The following EBF1 variants were observed in gnomAD, a reference collection of about 807,000 sequenced individuals.
EBF1 encodes the protein EBF transcription factor 1, also known as transcription factor COE1.
Under a neutral mutation model 68.4 loss-of-function variants are expected in EBF1, and 10 were observed. That is an observed-to-expected ratio of 0.15 (90% confidence interval 0.09 to 0.25). The LOEUF is 0.25. Among genes scored for constraint, EBF1 ranks in the 10% least tolerant of loss-of-function variants. The pLI is 1.00. For synonymous variants in EBF1, 298 were observed against 299.8 expected (o/e 0.99, Z 0.06); for missense variants, 509 against 794.4 (o/e 0.64, Z 4.32).
At position 158,728,244 on chromosome 5, in the gene EBF1, G is replaced by A. The variant is rs148365586; in HGVS notation, c.1125+2825C>T. Among the ~76,000 whole-genome samples, 1,015 of 152,276 alleles carry A rather than the reference G, an allele frequency of 6.7e-3. 16 individuals carry two copies. The highest frequency in any genetic ancestry group is 0.023 in the African/African-American group (971 of 41,542). On this transcript the variant is annotated intron_variant, in intron 11 of 15. Coordinates refer to ENST00000313708, the MANE Select transcript of EBF1 (RefSeq NM_024007.5). ...TCTGAGTCACACTGAGAGCTTCCTG[G>A]GGTGGGCTCCGGCCAGCCCTTGCAC...
intron 9 of EBF1, among the ~76,000 whole-genome samples, chr5:158,788,694 G>A (rs1318115674): frequency 1.3e-5 from 2 of 152,148 alleles, no homozygotes; most frequent in Admixed American, 6.6e-5. Context: ...TCACATGACT[G>A]CAGCCAGGTG....
At chr5:158,844,987 C>T (rs1271326364) in intron 6 of EBF1, among the ~76,000 whole-genome samples, 1 of 152,142 alleles carries the variant, frequency 6.6e-6, no homozygotes, top group Admixed American at 6.5e-5. Context: ...GACCAAAAGG[C>T]ACTTCTGGAC....
chr5:158,918,343 C>T (rs1360870545), intron 6 of EBF1, among the ~76,000 whole-genome samples: 1 of 152,136 alleles, frequency 6.6e-6, no homozygotes, highest in African/African-American at 2.4e-5. Context: ...GAGGAGGGTT[C>T]TGTTAAAAGG....
At chr5:158,762,864 G>GA (rs1421820900) in intron 10 of EBF1, among the ~76,000 whole-genome samples, 2 of 152,078 alleles carry the variant, frequency 1.3e-5, no homozygotes, top group Non-Finnish European at 2.9e-5. Flanking sequence ...ATATGCCATG[G>GA]AAAAATTGAA....
chr5:158,814,270 G>T (rs1783264818), intron 8 of EBF1, among the ~76,000 whole-genome samples: 1 of 152,150 alleles, frequency 6.6e-6, no homozygotes, highest in African/African-American at 2.4e-5. Context: ...TTGAGTGCAG[G>T]AGTTTGAGGC....
intron 6 of EBF1, among the ~76,000 whole-genome samples, chr5:158,994,807 A>C (rs1394921781): frequency 6.6e-6 from 1 of 152,358 alleles, no homozygotes; most frequent in Admixed American, 6.5e-5. Flanking sequence ...CAGAAAATTC[A>C]TGGATGACTT....
chr5:158,987,688 G>A (rs969701778), intron 6 of EBF1, among the ~76,000 whole-genome samples: 1 of 152,152 alleles, frequency 6.6e-6, no homozygotes, highest in Non-Finnish European at 1.5e-5. Context: ...ATGTGTCCGT[G>A]GGTGCCTAGA....
intron 10 of EBF1, among the ~76,000 whole-genome samples, chr5:158,754,773 A>G (rs1362158650): frequency 6.6e-6 from 1 of 152,106 alleles, no homozygotes; most frequent in African/African-American, 2.4e-5. Flanking sequence ...CAAATATTTG[A>G]CTCATTGTAA....
intron 9 of EBF1, among the ~76,000 whole-genome samples, chr5:158,792,489 C>CT (rs1778834949): frequency 6.6e-6 from 1 of 151,652 alleles, no homozygotes; most frequent in African/African-American, 2.4e-5. Context: ...TTCTCTGGCT[C>CT]TTTAAAAAAT....
chr5:159,085,492 T>G (rs1180062129), intron 4 of EBF1, among the ~76,000 whole-genome samples: 3 of 152,190 alleles, frequency 2.0e-5, no homozygotes, highest in African/African-American at 7.2e-5. Context: ...AAAACGAACA[T>G]TTTACTCAAG....
Position 158,698,861 on chromosome 5 carries a change from T to C in EBF1, c.*250A>G. On this transcript the variant is annotated 3_prime_UTR_variant, in exon 16 of 16. Coordinates refer to ENST00000313708, the MANE Select transcript of EBF1 (RefSeq NM_024007.5). ...AAAAGAAAAAGTGGATTTGCTTTTG[T>C]CAATACAGAATAAATATATCCCCCA... 2.6e-6 allele frequency: 1 copy of C among 386,978 alleles called. No homozygotes were observed. The highest frequency in any genetic ancestry group is 3.7e-5 in the East Asian group (1 of 27,026). The allele number at this position is 386,978 out of a possible 1,614,324, so 24.0% of individuals were successfully genotyped here. A position where few individuals can be genotyped will look rare whatever the true frequency, so the allele number is the denominator to read the frequency against.
chr5:158,698,926 T>A lies in EBF1; in HGVS notation c.*185A>T, dbSNP rs1380314757. ...ACAACTTTAACCAACACCCTGCACTTGCAGATCCCTCTTCCAATTTCAGTA... is the reference window on the plus strand; with the variant it reads ...ACAACTTTAACCAACACCCTGCACTAGCAGATCCCTCTTCCAATTTCAGTA... On this transcript the variant is annotated 3_prime_UTR_variant, in exon 16 of 16. Transcript: ENST00000313708. The A allele has an allele frequency of 2.1e-6, 1 of 481,464 alleles. No homozygotes were observed. Among genetic ancestry groups the A allele is most frequent in the Admixed American group, 4.0e-5 (1 of 24,970 alleles). 29.8% of individuals were successfully genotyped at this position (481,464 alleles called of 1,614,324 possible).
rs113229534 is a variant in EBF1, at chr5:159,008,379, C to T, written c.554+65017G>A. On this transcript the variant is annotated intron_variant, in intron 6 of 15. Transcript: ENST00000313708. The stretch of plus-strand genomic sequence containing the variant: ...TTTTTAAAAATCACACACACACACA[C>T]TTTAGTTAACAAACAGATGAGGAGA... 4.4e-3 allele frequency among the ~76,000 whole-genome samples: 671 copies of T among 152,090 alleles called. 6 individuals carry two copies. The highest frequency in any genetic ancestry group is 0.015 in the African/African-American group (639 of 41,484).
chr5:158,886,299 G>T (rs1800029910), intron 6 of EBF1, among the ~76,000 whole-genome samples: 1 of 152,218 alleles, frequency 6.6e-6, no homozygotes, highest in Admixed American at 6.5e-5. Flanking sequence ...ATCAAAAGCT[G>T]GTCTGAAGCC....
Position 158,823,231 on chromosome 5 carries a change from C to G in EBF1, c.723G>C (p.Gly241=), listed in dbSNP as rs1351810528. The G allele has an allele frequency of 6.2e-7, 1 of 1,613,970 alleles. No individual in the cohort carries two copies. Among genetic ancestry groups the G allele is most frequent in the Non-Finnish European group, 8.5e-7 (1 of 1,179,920 alleles). ...NMFVHNNSKH[G]RRARRLDPSE... The stretch of plus-strand genomic sequence containing the variant: ...AGGGGTCAAGCCTCCGAGCCCTCCG[C>G]CCATGCTTGGAATTATTATGGACAA... The change falls in exon 8 of 16, where the codon GGG becomes GGC. Residue 241 remains glycine, a synonymous_variant. Coordinates refer to ENST00000313708, the MANE Select transcript of EBF1 (RefSeq NM_024007.5).
chr5:158,785,476 T>C (rs180754067), intron 9 of EBF1, among the ~76,000 whole-genome samples: 6 of 152,300 alleles, frequency 3.9e-5, no homozygotes, highest in Admixed American at 2.6e-4. Context: ...TGTGTTTTGG[T>C]TTGTTCCCTA....
chr5:158,928,527 G>A (rs1267716640), intron 6 of EBF1, among the ~76,000 whole-genome samples: 13 of 152,168 alleles, frequency 8.5e-5, no homozygotes. Flanking sequence ...CTATAACACT[G>A]TCAGGCTTAG....
At chr5:159,029,481 A>T (rs942291617) in intron 6 of EBF1, among the ~76,000 whole-genome samples, 5 of 152,232 alleles carry the variant, frequency 3.3e-5, no homozygotes, top group African/African-American at 1.2e-4. Context: ...TTCTGACAGC[A>T]AAGTCCAGGG....
chr5:158,922,280 C>A (rs536378113), intron 6 of EBF1, among the ~76,000 whole-genome samples: 53 of 152,302 alleles, frequency 3.5e-4, no homozygotes, highest in African/African-American at 1.1e-3. Context: ...ACTTTCTACC[C>A]AGTATCCTCT....
Sources: allele counts gnomAD v4.1 joint callset (sites outside exome capture counted in the v4.1 genomes callset), GRCh38; gene constraint gnomAD v4.1.1; transcripts MANE v1.5; gene names NCBI Gene and HGNC (gene_info 2026-07-23, HGNC 2026-07-21).